Variants in CHRNB3 observed in about 807,000 individuals in gnomAD.
The protein encoded by CHRNB3 is neuronal acetylcholine receptor subunit beta-3.
CHRNB3 carries 37 observed loss-of-function variants against 40.6 expected under a neutral mutation model. That is an observed-to-expected ratio of 0.91 (90% confidence interval 0.70 to 1.20). The LOEUF (loss-of-function observed/expected upper bound fraction) is 1.20, where lower values mean the gene tolerates loss of function less well. Among genes scored for constraint, CHRNB3 ranks in the 50% most tolerant of loss-of-function variants. The pLI is 0.00. For missense variants in CHRNB3, 505 were observed against 551.2 expected (o/e 0.92, Z 0.84); for synonymous variants, 207 against 207.1 (o/e 1.00, Z 0.00).
At chr8:42,735,308 C>T (rs1370162051) in intron 5 of CHRNB3, among the ~76,000 whole-genome samples, 7 of 152,082 alleles carry the variant, frequency 4.6e-5, no homozygotes, top group South Asian at 2.1e-4. Flanking sequence ...GAGGCCGAGG[C>T]GGGTGGATCA....
intron 1 of CHRNB3, among the ~76,000 whole-genome samples, chr8:42,700,816 G>C (rs1373970754): frequency 6.6e-6 from 1 of 152,206 alleles, no homozygotes; most frequent in Non-Finnish European, 1.5e-5. Flanking sequence ...AGTTTTATCT[G>C]TTAAGTCTTA....
chr8:42,728,744 CA>C (rs560273728), intron 3 of CHRNB3, among the ~76,000 whole-genome samples: 1 of 151,760 alleles, frequency 6.6e-6, no homozygotes, highest in South Asian at 2.1e-4. Flanking sequence ...ATATTTTGGG[CA>C]AAAAAACTGT....
At chr8:42,715,408 T>C (rs539657851) in intron 3 of CHRNB3, among the ~76,000 whole-genome samples, 18 of 152,236 alleles carry the variant, frequency 1.2e-4, no homozygotes, top group African/African-American at 4.3e-4. Context: ...AGCAAACCCA[T>C]TGGTAACTCT....
chr8:42,726,074 A>G lies in CHRNB3; in HGVS notation c.250-4520A>G. 14 of 950,320 alleles carry G rather than the reference A, an allele frequency of 1.5e-5. No individual in the cohort carries two copies. In the South Asian group the frequency reaches 1.6e-4, roughly 11 times the overall value. 58.9% of individuals were successfully genotyped at this position (950,320 alleles called of 1,614,324 possible). The stretch of plus-strand genomic sequence containing the variant: ...CCAGGAATCTTGTAGGAATGATTCC[A>G]GTTGTTTAAACCTGAGCCCTTTTCT... On this transcript the variant is annotated intron_variant, in intron 3 of 5. Transcript: ENST00000289957.
At chr8:42,722,528 A>AT (rs201818206) in intron 3 of CHRNB3, among the ~76,000 whole-genome samples, 1,659 of 152,062 alleles carry the variant, frequency 0.011, 39 homozygotes, top group African/African-American at 0.038. Flanking sequence ...GTACAGTATG[A>AT]TTTTTTGTAT....
chr8:42,736,969 G>A lies in CHRNB3; in HGVS notation c.*351G>A. 1 of 201,758 alleles carries A rather than the reference G, an allele frequency of 5.0e-6. No individual in the cohort carries two copies. Among genetic ancestry groups the A allele is most frequent in the Non-Finnish European group, 9.9e-6 (1 of 100,708 alleles). 12.5% of individuals were successfully genotyped at this position (201,758 alleles called of 1,614,324 possible). A position where few individuals can be genotyped will look rare whatever the true frequency, so the allele number is the denominator to read the frequency against. ...CTAGAAGCAGCAGGCCTCGGTGGTGGGGGAGGGGGGATTCACCTGGAATTA... is the reference window on the plus strand; with the variant it reads ...CTAGAAGCAGCAGGCCTCGGTGGTGAGGGAGGGGGGATTCACCTGGAATTA... On this transcript the variant is annotated 3_prime_UTR_variant, in exon 6 of 6. Transcript: ENST00000289957.
intron 1 of CHRNB3, among the ~76,000 whole-genome samples, chr8:42,704,904 T>C (rs1047716738): frequency 1.3e-5 from 2 of 152,200 alleles, no homozygotes; most frequent in South Asian, 4.1e-4. Context: ...TGTCAGTGGC[T>C]ACAGTGGCTT....
intron 3 of CHRNB3, among the ~76,000 whole-genome samples, chr8:42,729,829 C>A (rs1816372875): frequency 6.6e-6 from 1 of 152,116 alleles, no homozygotes; most frequent in Non-Finnish European, 1.5e-5. Flanking sequence ...GTCCACTCTG[C>A]TGTGATTGGG....
At chr8:42,730,774 C>T (rs1319973198) in intron 4 of CHRNB3, 71 bp downstream of exon 4, 10 of 937,828 alleles carry the variant, frequency 1.1e-5, no homozygotes, top group African/African-American at 2.0e-5. Context: ...AAAGGCTGGG[C>T]GCGGTGGCTC....
chr8:42,713,423 C>T (rs1816051620), intron 3 of CHRNB3, among the ~76,000 whole-genome samples: 1 of 151,816 alleles, frequency 6.6e-6, no homozygotes, highest in Admixed American at 6.6e-5. Flanking sequence ...AATTCAATAC[C>T]CAAAACCAAG....
intron 1 of CHRNB3, among the ~76,000 whole-genome samples, chr8:42,703,435 A>AAATATATATATATATATATATATATAT: frequency 1.1e-4 from 5 of 47,408 alleles, no homozygotes; most frequent in South Asian, 8.8e-4. Context: ...AAAAAAAAAA[A>AAATATATATATATATATATATATATAT]ATATTTATAT....
rs1407056816 is a variant in CHRNB3, at chr8:42,731,900, A to G, written c.593A>G (p.Asn198Ser). ...ENVDRKDFFD[N>S]GEWEILNAKG... ...GTCGACAGAAAAGACTTCTTCGATA[A>G]CGGAGAATGGGAAATACTGAACGCA... Residue 198 changes from asparagine (N) to serine (S), a missense_variant, in exon 5 of 6, where the codon AAC becomes AGC. Transcript: ENST00000289957. The G allele has an allele frequency of 1.9e-6, 3 of 1,614,180 alleles. No individual in the cohort carries two copies. The highest frequency in any genetic ancestry group is 3.3e-5 in the Admixed American group (2 of 60,012).
intron 3 of CHRNB3, among the ~76,000 whole-genome samples, chr8:42,720,262 T>C (rs79108156): frequency 0.056 from 8,441 of 151,228 alleles, 305 homozygotes; most frequent in Middle Eastern, 0.097. Flanking sequence ...ACTACAGGCG[T>C]GTGCCACCAT....
intron 3 of CHRNB3, among the ~76,000 whole-genome samples, chr8:42,724,468 T>C (rs754003081): frequency 2.0e-5 from 3 of 152,116 alleles, no homozygotes; most frequent in Non-Finnish European, 4.4e-5. Context: ...TTCCTATGTG[T>C]ATTTCAAGTC....
chr8:42,717,560 A>C (rs1233277334), intron 3 of CHRNB3, among the ~76,000 whole-genome samples: 1 of 150,758 alleles, frequency 6.6e-6, no homozygotes, highest in Non-Finnish European at 1.5e-5. Context: ...CTACAACCTT[A>C]CTCTGACCTT....
At chr8:42,728,359 T>C (rs2128908216) in intron 3 of CHRNB3, among the ~76,000 whole-genome samples, 1 of 152,162 alleles carries the variant, frequency 6.6e-6, no homozygotes, top group Non-Finnish European at 1.5e-5. Flanking sequence ...ACTTCATTTC[T>C]ACAAAGCAAA....
chr8:42,722,433 G>GCAGA (rs1295533208), intron 3 of CHRNB3, among the ~76,000 whole-genome samples: 6 of 152,110 alleles, frequency 3.9e-5, no homozygotes, highest in African/African-American at 1.4e-4. Flanking sequence ...CCTTGCCGAA[G>GCAGA]CAGAGGATGA....
At chr8:42,718,566 G>A (rs78911953) in intron 3 of CHRNB3, among the ~76,000 whole-genome samples, 8,660 of 151,384 alleles carry the variant, frequency 0.057, 317 homozygotes, top group Middle Eastern at 0.11. Flanking sequence ...CCAGCTACTC[G>A]GGAGGCTGAG....
chr8:42,722,886 T>A (rs763372170), intron 3 of CHRNB3, among the ~76,000 whole-genome samples: 1 of 152,122 alleles, frequency 6.6e-6, no homozygotes, highest in Non-Finnish European at 1.5e-5. Flanking sequence ...GGGGGAGGGA[T>A]GGCTTTAACA....
Sources: gnomAD v4.1 joint callset for allele counts (sites outside exome capture counted in the v4.1 genomes callset) on GRCh38, gnomAD v4.1.1 for gene constraint, MANE v1.5 for transcripts, NCBI Gene and HGNC (gene_info 2026-07-23, HGNC 2026-07-21) for gene names.